The following DMBT1 variants were observed in gnomAD, a reference collection of about 807,000 sequenced individuals.
DMBT1 encodes deleted in malignant brain tumors 1, also known as scavenger receptor cysteine-rich domain-containing protein DMBT1.
A neutral mutation model predicts 252.9 loss-of-function variants in DMBT1; 198 were observed. The ratio of observed to expected loss-of-function variants is 0.78; its 90% CI spans 0.70 to 0.88. The LOEUF (loss-of-function observed/expected upper bound fraction) is 0.88, where lower values mean the gene tolerates loss of function less well. DMBT1 is among the 40% of genes least tolerant of loss of function. DMBT1 has a pLI of 0.00. For synonymous variants in DMBT1, 990 were observed against 942.7 expected (o/e 1.05, Z -0.92); for missense variants, 2,432 against 2,404.7 (o/e 1.01, Z -0.24).
At chr10:122,630,184 A>T (rs961088303) in intron 47 of DMBT1, 104 bp from the exon 48 acceptor site, 11 of 1,372,750 alleles carry the variant, frequency 8.0e-6, no homozygotes, top group Non-Finnish European at 1.1e-5. Context: ...GAGCTAGAAG[A>T]AAAACCTGTA....
chr10:122,594,193 C>T (rs1378731314), intron 21 of DMBT1, among the ~76,000 whole-genome samples: 10 of 141,454 alleles, frequency 7.1e-5, no homozygotes, highest in African/African-American at 2.0e-4. Context: ...TCAGCAATGG[C>T]GTCTGATGTC....
rs764399176 is a variant in DMBT1, at chr10:122,589,209, C to A, written c.2049C>A (p.Asn683Lys). Residue 683 changes from asparagine to lysine, a missense_variant, in exon 17 of 56, where the codon AAC becomes AAA. This residue lies in a region of DMBT1 where 1,264 missense variants were observed against 1,082.2 expected (regional missense o/e 1.17). Coordinates refer to ENST00000338354, the MANE Select transcript of DMBT1 (RefSeq NM_001377530.1). ...AGTCCTACCTGTGGAGCTGCCCCAA[C>A]AATGGCTGGCTCTCCCACAACTGTG... ...GHESYLWSCP[N>K]NGWLSHNCGH... 1.3e-5 allele frequency: 21 copies of A among 1,588,426 alleles called. No homozygotes were observed. In the African/African-American group the frequency reaches 2.1e-4, roughly 16 times the overall value.
At chr10:122,566,681 C>G (rs1960175) in intron 2 of DMBT1, among the ~76,000 whole-genome samples, 1 of 151,878 alleles carries the variant, frequency 6.6e-6, no homozygotes, top group Non-Finnish European at 1.5e-5. Context: ...TTGTTATATA[C>G]CCTGCATAAA....
Position 122,631,286 on chromosome 10 carries a change from G to A in DMBT1, c.6346+5G>A, listed in dbSNP as rs558515778. The stretch of plus-strand genomic sequence containing the variant: ...ATGCTGGTGTCATCTGCTCAGGTAT[G>A]GCCCAATGCCATGGAAGGCCCATTT... On this transcript the variant is annotated splice_donor_5th_base_variant and intron_variant, in intron 49 of 55. Coordinates refer to ENST00000338354, the MANE Select transcript of DMBT1 (RefSeq NM_001377530.1). 9.3e-6 allele frequency: 15 copies of A among 1,609,740 alleles called. No homozygotes were observed. In the East Asian group the frequency reaches 2.5e-4, roughly 26 times the overall value.
intron 2 of DMBT1, among the ~76,000 whole-genome samples, chr10:122,568,928 T>G (rs542782924): frequency 1.3e-5 from 2 of 152,310 alleles, no homozygotes; most frequent in East Asian, 3.9e-4. Context: ...ATCACCTTGC[T>G]CTGTGTATCT....
At chr10:122,621,012 A>C in intron 43 of DMBT1, 45 bp from the exon 44 acceptor site, 1 of 1,610,192 alleles carries the variant, frequency 6.2e-7, no homozygotes, top group Non-Finnish European at 8.5e-7. Context: ...TAAATCCTTG[A>C]CCTCATAATC....
At chr10:122,633,408 T>G in intron 52 of DMBT1, 67 bp downstream of exon 52, 1 of 1,586,652 alleles carries the variant, frequency 6.3e-7, no homozygotes, top group Non-Finnish European at 8.6e-7. Flanking sequence ...AAATGGTGCT[T>G]AAGTGTGCGC....
rs372441080 is a variant in DMBT1, at chr10:122,631,114, G to C, written c.6179G>C (p.Arg2060Pro). ...EVVCRQLGCGRAVSALGNAYF... is the reference protein window; with the variant it reads ...EVVCRQLGCGPAVSALGNAYF... ...GTCTGCAGACAGCTAGGGTGTGGAC[G>C]TGCAGTTTCAGCCCTTGGAAATGCA... The change falls in exon 49 of 56, where the codon CGT becomes CCT. Residue 2060 changes from arginine to proline, a missense_variant. Arg to Pro is a moderately radical substitution (Grantham distance 103). Transcript: ENST00000338354. 1.2e-6 allele frequency: 2 copies of C among 1,613,874 alleles called. No individual in the cohort carries two copies. The highest frequency in any genetic ancestry group is 8.5e-7 in the Non-Finnish European group (1 of 1,179,900).
Position 122,598,793 on chromosome 10 carries a change from C to A in DMBT1, c.2976C>A (p.Ala992=), listed in dbSNP as rs574475681. 6.2e-7 allele frequency: 1 copy of A among 1,613,286 alleles called. No individual in the cohort carries two copies. The highest frequency in any genetic ancestry group is 2.2e-5 in the East Asian group (1 of 44,870). The change falls in exon 26 of 56, where the codon GCC becomes GCA. Residue 992 remains alanine, a synonymous_variant. Coordinates refer to ENST00000338354, the MANE Select transcript of DMBT1 (RefSeq NM_001377530.1). ...CTGTAGGATCTGAATCCAGTTTGGC[C>A]CTGAGGCTGGTGAATGGAGGTGACA... ...ASTVGSESSL[A]LRLVNGGDRC... is the part of the protein sequence containing the mutation.
At chr10:122,627,013 G>T (rs1404173056) in intron 46 of DMBT1, among the ~76,000 whole-genome samples, 1 of 152,178 alleles carries the variant, frequency 6.6e-6, no homozygotes, top group Non-Finnish European at 1.5e-5. Flanking sequence ...TCTGTCGGGT[G>T]AGGCCAGATC....
chr10:122,600,620 T>C (rs927357124), intron 27 of DMBT1, among the ~76,000 whole-genome samples: 1 of 152,176 alleles, frequency 6.6e-6, no homozygotes, highest in Non-Finnish European at 1.5e-5. Flanking sequence ...ACCTGATTCC[T>C]GATTGTCCCC....
At chr10:122,622,034 G>C (rs1422788508) in intron 44 of DMBT1, among the ~76,000 whole-genome samples, 1 of 152,206 alleles carries the variant, frequency 6.6e-6, no homozygotes, top group African/African-American at 2.4e-5. Context: ...ATTTTTGCTG[G>C]AGTGGTATCC....
rs1591473212 is a variant in DMBT1 at position 122,619,316 on chromosome 10, T to C, written c.5224T>C (p.Ser1742Pro). Residue 1742 changes from serine (S) to proline (P), a missense_variant, in exon 42 of 56, where the codon TCC becomes CCC. Ser to Pro is a moderately conservative substitution (Grantham distance 74). Around this residue, in one of 3 missense-constraint regions of DMBT1, gnomAD observed 1,162 missense variants for 1,169.0 expected, o/e 0.99. Transcript: ENST00000338354. Reference sequence around the variant, plus strand: ...TCTTCTCTTTCTCACAGCTGCTCAGTCCCAGTCAACGCCCAGGCCAGGTGA... The same window carrying C: ...TCTTCTCTTTCTCACAGCTGCTCAGCCCCAGTCAACGCCCAGGCCAGGTGA... ...DAGVICSAAQ[S>P]QSTPRPDTWL... 1 of 1,613,954 alleles carries C rather than the reference T, an allele frequency of 6.2e-7. No individual in the cohort carries two copies. Among genetic ancestry groups the C allele is most frequent in the Non-Finnish European group, 8.5e-7 (1 of 1,179,866 alleles).
intron 39 of DMBT1, 65 bp from the exon 40 acceptor site, chr10:122,617,163 C>G: frequency 6.5e-7 from 1 of 1,532,764 alleles, no homozygotes; most frequent in Non-Finnish European, 9.0e-7. Context: ...TCCCAGAGAA[C>G]CTTTTGTTCT....
At chr10:122,616,987 C>G (rs545689414) in intron 39 of DMBT1, among the ~76,000 whole-genome samples, 2 of 129,194 alleles carry the variant, frequency 1.5e-5, no homozygotes, top group East Asian at 6.0e-4. Flanking sequence ...GGGGCATCCT[C>G]TAACAGATAG....
At chr10:122,568,856 G>A (rs954875999) in intron 2 of DMBT1, among the ~76,000 whole-genome samples, 2 of 152,198 alleles carry the variant, frequency 1.3e-5, no homozygotes, top group Admixed American at 1.3e-4. Context: ...CACAGCGGAT[G>A]GTACAACCAC....
intron 21 of DMBT1, among the ~76,000 whole-genome samples, chr10:122,594,225 A>C (rs1171921661): frequency 7.2e-6 from 1 of 139,254 alleles, no homozygotes; most frequent in African/African-American, 2.5e-5. Flanking sequence ...ATGCATCAGC[A>C]GATGTGGGAT....
intron 27 of DMBT1, 114 bp downstream of exon 27, chr10:122,600,207 T>C: frequency 7.1e-7 from 1 of 1,414,814 alleles, no homozygotes; most frequent in Non-Finnish European, 9.6e-7. Context: ...GGCATATTAT[T>C]TCTACCCCCA....
intron 5 of DMBT1, 67 bp downstream of exon 5, chr10:122,572,428 C>T (rs2277229): frequency 0.7 from 1,110,988 of 1,589,904 alleles, 389,804 homozygotes; most frequent in Admixed American, 0.82. Flanking sequence ...TCATCTCTGA[C>T]CCAGATGAGG....
Sources: gnomAD v4.1 joint callset for allele counts (sites outside exome capture counted in the v4.1 genomes callset) on GRCh38, gnomAD v4.1.1 for gene constraint, gnomAD v4.1.1 regional missense constraint, MANE v1.5 for transcripts, NCBI Gene and HGNC (gene_info 2026-07-23, HGNC 2026-07-21) for gene names.